Variants in NOB1 observed in about 807,000 individuals in gnomAD.
NOB1 encodes the protein NIN1 (RPN12) binding protein 1 homolog.
A neutral mutation model predicts 44.8 loss-of-function variants in NOB1; 44 were observed. The ratio of observed to expected loss-of-function variants is 0.98; its 90% CI spans 0.77 to 1.26. The LOEUF is 1.26. Ranked by LOEUF, NOB1 falls within the 50% of genes most tolerant of loss-of-function variation. The pLI, the probability that NOB1 is intolerant of heterozygous loss-of-function variation, is 0.00. For missense variants in NOB1, 560 were observed against 544.8 expected (o/e 1.03, Z -0.28); for synonymous variants, 238 against 218.7 (o/e 1.09, Z -0.78).
chr16:69,752,421 C>A, intron 2 of NOB1, 50 bp from the exon 3 acceptor site: 1 of 1,581,130 alleles, frequency 6.3e-7, no homozygotes, highest in Non-Finnish European at 8.7e-7. Flanking sequence ...AGCCATATGA[C>A]CTTGGATAAC....
intron 6 of NOB1, 144 bp downstream of exon 6, chr16:69,748,774 T>C (rs6499249): frequency 0.85 from 608,809 of 720,466 alleles, 258,554 homozygotes; most frequent in Admixed American, 0.9. Flanking sequence ...CTAAGCAAAA[T>C]TAAAAATCAC....
chr16:69,746,394 G>A lies in NOB1; in HGVS notation c.825-1377C>T, dbSNP rs116974685. On this transcript the variant is annotated intron_variant, in intron 7 of 8. Coordinates refer to ENST00000268802, the MANE Select transcript of NOB1 (RefSeq NM_014062.3). ...AAGGCTGCGGCAGAGGCTCTTCCAC[G>A]CCTACCAGGCGGTTTCCAAGGTCCC... Among the ~76,000 whole-genome samples, 599 of 152,336 alleles carry A rather than the reference G, an allele frequency of 3.9e-3. 2 individuals carry two copies. The highest frequency in any genetic ancestry group is 0.014 in the Middle Eastern group (4 of 294).
At chr16:69,751,905 T>C (rs924936653) in intron 3 of NOB1, among the ~76,000 whole-genome samples, 2 of 152,044 alleles carry the variant, frequency 1.3e-5, no homozygotes, top group South Asian at 4.1e-4. Flanking sequence ...CTACTAAAAA[T>C]ACAAAAATTA....
chr16:69,751,508 G>GA (rs530065884), intron 3 of NOB1, among the ~76,000 whole-genome samples: 142 of 147,462 alleles, frequency 9.6e-4, no homozygotes, highest in South Asian at 6.4e-3. Flanking sequence ...ATGAAAGAGG[G>GA]AAAAAAAAAA....
chr16:69,754,524 CGCACCCAACTGGGT>C, intron 2 of NOB1, 56 bp downstream of exon 2: 2 of 1,581,964 alleles, frequency 1.3e-6, no homozygotes, highest in South Asian at 2.3e-5. Context: ...GACCCCAACT[CGCACCCAACTGGGT>C]GCCATCTGCG....
chr16:69,752,802 G>A (rs564377518), intron 2 of NOB1, among the ~76,000 whole-genome samples: 16 of 151,702 alleles, frequency 1.1e-4, no homozygotes, highest in South Asian at 2.1e-4. Context: ...GTGTGGTAGC[G>A]GGGGGGCCTG....
chr16:69,743,845 C>T (rs2151752512), intron 8 of NOB1, among the ~76,000 whole-genome samples: 1 of 152,330 alleles, frequency 6.6e-6, no homozygotes, highest in South Asian at 2.1e-4. Flanking sequence ...ACTGGTATCG[C>T]AGCGATGCTG....
In NOB1 at chr16:69,749,613, CGAT is replaced by C. The variant is rs1423986963; in HGVS notation, c.342_344del (p.Ser115del). On this transcript the variant is annotated inframe_deletion, in exon 4 of 9. Transcript: ENST00000268802. ...GCAGAGGTGTTTCTGGGTGCTGAAT[CGAT>C]GAGCTCACCTTAACCTTTAAAAAAA... 1.2e-6 allele frequency: 2 copies of C among 1,612,636 alleles called. No homozygotes were observed. The highest frequency in any genetic ancestry group is 2.7e-5 in the African/African-American group (2 of 74,770).
intron 8 of NOB1, among the ~76,000 whole-genome samples, chr16:69,744,321 A>G (rs1567641806): frequency 1.3e-5 from 2 of 152,224 alleles, no homozygotes; most frequent in African/African-American, 2.4e-5. Context: ...CCCTGTCTCA[A>G]ACAACAAGAA....
chr16:69,743,424 G>C (rs1381481185), intron 8 of NOB1, among the ~76,000 whole-genome samples: 1 of 152,088 alleles, frequency 6.6e-6, no homozygotes, highest in Non-Finnish European at 1.5e-5. Context: ...AACTTTACAG[G>C]GGATTAAGGT....
chr16:69,744,522 G>C (rs548522983), intron 8 of NOB1, among the ~76,000 whole-genome samples: 1 of 152,036 alleles, frequency 6.6e-6, no homozygotes, highest in Admixed American at 6.6e-5. Flanking sequence ...CATCTAGCCC[G>C]TCCGGCCCTC....
chr16:69,747,148 G>A (rs959029608), intron 7 of NOB1, among the ~76,000 whole-genome samples: 1 of 150,880 alleles, frequency 6.6e-6, no homozygotes, highest in Non-Finnish European at 1.5e-5. Context: ...TTGAACCCGG[G>A]AGGCGAAGGT....
Position 69,744,903 on chromosome 16 carries a change from G to T in NOB1, c.939C>A (p.Asn313Lys). 6.2e-7 allele frequency: 1 copy of T among 1,613,960 alleles called. No homozygotes were observed. The highest frequency in any genetic ancestry group is 8.5e-7 in the Non-Finnish European group (1 of 1,180,018). ...DGTLHMHFSRNPKVLNPRGLR... is the reference protein window; with the variant it reads ...DGTLHMHFSRKPKVLNPRGLR... Reference sequence around the variant, plus strand: ...GGCCGCGGGGGTTCAGCACCTTGGGGTTGCGGGAGAAGTGCATGTGCAGGG... The same window carrying T: ...GGCCGCGGGGGTTCAGCACCTTGGGTTTGCGGGAGAAGTGCATGTGCAGGG... The change falls in exon 8 of 9, where the codon AAC becomes AAA. Residue 313 changes from asparagine to lysine, a missense_variant. Asn to Lys is a moderately conservative substitution (Grantham distance 94). Transcript: ENST00000268802.
At chr16:69,752,883 CAA>C (rs2038494766) in intron 2 of NOB1, among the ~76,000 whole-genome samples, 2 of 152,042 alleles carry the variant, frequency 1.3e-5, no homozygotes, top group Admixed American at 6.6e-5. Flanking sequence ...TGCAGTGAGT[CAA>C]GATTGCGCCA....
At chr16:69,745,129 C>A in intron 7 of NOB1, 112 bp from the exon 8 acceptor site, 1 of 1,084,114 alleles carries the variant, frequency 9.2e-7, no homozygotes, top group Non-Finnish European at 1.3e-6. Context: ...AGGGCTGAAC[C>A]GCACCACACA....
At chr16:69,746,186 G>A (rs868746167) in intron 7 of NOB1, among the ~76,000 whole-genome samples, 26 of 152,220 alleles carry the variant, frequency 1.7e-4, no homozygotes, top group African/African-American at 5.5e-4. Flanking sequence ...CACAGGCAAC[G>A]CCCCGCCCAC....
At chr16:69,750,541 T>G (rs2038474446) in intron 3 of NOB1, among the ~76,000 whole-genome samples, 1 of 152,140 alleles carries the variant, frequency 6.6e-6, no homozygotes, top group Admixed American at 6.6e-5. Flanking sequence ...GTAGGAGGAC[T>G]GCTTGTGCTC....
chr16:69,745,099 C>A, intron 7 of NOB1, 82 bp from the exon 8 acceptor site: 1 of 1,473,940 alleles, frequency 6.8e-7, no homozygotes. Context: ...GGTCTCGGGC[C>A]TCAGGAGAAG....
Position 69,742,213 on chromosome 16 carries a change from G to T in NOB1, c.*119C>A, listed in dbSNP as rs1048068756. 22 of 1,343,910 alleles carry T rather than the reference G, an allele frequency of 1.6e-5. No individual in the cohort carries two copies. The Admixed American group carries it at 1.8e-4, about 11-fold the overall frequency. 83.2% of individuals were successfully genotyped at this position (1,343,910 alleles called of 1,614,324 possible). The stretch of plus-strand genomic sequence containing the variant: ...GGGCATGGGCGGACAGAGCCGCACC[G>T]TGAAGCCCGCCTGTTATTTCCATCG... On this transcript the variant is annotated 3_prime_UTR_variant, in exon 9 of 9. Transcript: ENST00000268802.
Sources: allele counts gnomAD v4.1 joint callset (sites outside exome capture counted in the v4.1 genomes callset), GRCh38; gene constraint gnomAD v4.1.1; transcripts MANE v1.5; gene names NCBI Gene and HGNC (gene_info 2026-07-23, HGNC 2026-07-21).